Variants in LRFN5 observed in about 807,000 individuals in gnomAD.
LRFN5 encodes leucine-rich repeat and fibronectin type-III domain-containing protein 5.
Under a neutral mutation model 45.6 loss-of-function variants are expected in LRFN5, and 24 were observed. The observed-to-expected ratio is 0.53, with a 90% CI of 0.38 to 0.74. The LOEUF (loss-of-function observed/expected upper bound fraction) is 0.74. Among genes scored for constraint, LRFN5 ranks in the 30% least tolerant of loss-of-function variants. LRFN5 has a pLI of 0.00. For synonymous variants in LRFN5, 340 were observed against 313.8 expected (o/e 1.08, Z -0.88); for missense variants, 776 against 861.5 (o/e 0.90, Z 1.24).
At chr14:41,738,058 A>G (rs1884521285) in intron 1 of LRFN5, among the ~76,000 whole-genome samples, 1 of 152,206 alleles carries the variant, frequency 6.6e-6, no homozygotes, top group African/African-American at 2.4e-5. Context: ...AATAAAAAGA[A>G]CAAAGCTGGA....
intron 1 of LRFN5, among the ~76,000 whole-genome samples, chr14:41,745,336 A>C (rs1884877506): frequency 6.6e-6 from 1 of 152,100 alleles, no homozygotes; most frequent in Non-Finnish European, 1.5e-5. Context: ...GCAATGAATG[A>C]AAACAAAATC....
chr14:41,661,584 G>A (rs761840565), intron 1 of LRFN5, among the ~76,000 whole-genome samples: 16 of 152,072 alleles, frequency 1.1e-4, no homozygotes, highest in Non-Finnish European at 2.1e-4. Flanking sequence ...AGGCCCTAGG[G>A]CTAATACTCA....
chr14:41,681,050 G>A (rs1025948396), intron 1 of LRFN5, among the ~76,000 whole-genome samples: 4 of 151,834 alleles, frequency 2.6e-5, no homozygotes, highest in Non-Finnish European at 5.9e-5. Flanking sequence ...TTTGAATACA[G>A]GCTATTTGAA....
At chr14:41,677,903 T>C (rs1881708107) in intron 1 of LRFN5, among the ~76,000 whole-genome samples, 1 of 152,042 alleles carries the variant, frequency 6.6e-6, no homozygotes, top group Non-Finnish European at 1.5e-5. Flanking sequence ...ACCCTAAGTA[T>C]GATAAATTCA....
chr14:41,827,990 G>T (rs774085567), intron 2 of LRFN5, among the ~76,000 whole-genome samples: 1 of 151,974 alleles, frequency 6.6e-6, no homozygotes, highest in South Asian at 2.1e-4. Flanking sequence ...CTTCAAGGTT[G>T]TCCTTAATGT....
intron 1 of LRFN5, among the ~76,000 whole-genome samples, chr14:41,665,946 G>A (rs918115289): frequency 4.6e-5 from 7 of 151,842 alleles, no homozygotes; most frequent in Non-Finnish European, 8.8e-5. Context: ...TACTAACTTT[G>A]TTGTCAAGGA....
intron 1 of LRFN5, among the ~76,000 whole-genome samples, chr14:41,642,101 A>G (rs947770383): frequency 1.3e-5 from 2 of 152,130 alleles, no homozygotes; most frequent in Non-Finnish European, 2.9e-5. Flanking sequence ...TTGTCTTACT[A>G]TTTGAATTTG....
chr14:41,627,975 T>A (rs1888390057), intron 1 of LRFN5, among the ~76,000 whole-genome samples: 1 of 152,186 alleles, frequency 6.6e-6, no homozygotes, highest in Non-Finnish European at 1.5e-5. Context: ...TTATTGCAGC[T>A]AGGAAAATTA....
chr14:41,637,530 C>A (rs1474513075), intron 1 of LRFN5, among the ~76,000 whole-genome samples: 6 of 151,874 alleles, frequency 4.0e-5, no homozygotes, highest in Non-Finnish European at 7.4e-5. Context: ...CACACTTTAC[C>A]CTTATCCTGT....
chr14:41,855,028 G>A (rs929368956), intron 2 of LRFN5, among the ~76,000 whole-genome samples: 14 of 152,078 alleles, frequency 9.2e-5, no homozygotes, highest in African/African-American at 3.4e-4. Context: ...ACTTAAAAAC[G>A]TCTGCATTTA....
intron 5 of LRFN5, among the ~76,000 whole-genome samples, chr14:41,901,230 G>T (rs774891349): frequency 1.3e-5 from 2 of 152,028 alleles, no homozygotes; most frequent in Non-Finnish European, 2.9e-5. Context: ...ATAACTCTAC[G>T]TGGAAATTGA....
intron 1 of LRFN5, among the ~76,000 whole-genome samples, chr14:41,631,301 C>T (rs891991789): frequency 2.0e-5 from 3 of 152,096 alleles, no homozygotes; most frequent in African/African-American, 4.8e-5. Flanking sequence ...TCCTGGAACA[C>T]TTGTTCCTGT....
chr14:41,714,288 C>A (rs1285153661), intron 1 of LRFN5, among the ~76,000 whole-genome samples: 1 of 152,066 alleles, frequency 6.6e-6, no homozygotes, highest in Non-Finnish European at 1.5e-5. Flanking sequence ...TGGCTGCCCA[C>A]ATAAATTTGG....
At chr14:41,828,372 G>A (rs1888366992) in intron 2 of LRFN5, among the ~76,000 whole-genome samples, 1 of 151,882 alleles carries the variant, frequency 6.6e-6, no homozygotes, top group Non-Finnish European at 1.5e-5. Context: ...AGCTAGAGAG[G>A]GTAGTAGTGC....
intron 1 of LRFN5, among the ~76,000 whole-genome samples, chr14:41,691,851 T>C (rs10150151): frequency 0.27 from 41,793 of 152,058 alleles, 5,785 homozygotes; most frequent in South Asian, 0.38. Context: ...TTGAATTTCA[T>C]ATGAATAATC....
intron 1 of LRFN5, among the ~76,000 whole-genome samples, chr14:41,651,704 A>G (rs912522462): frequency 1.3e-5 from 2 of 152,234 alleles, no homozygotes; most frequent in Admixed American, 6.5e-5. Context: ...CACAAATTTT[A>G]CTAAGCAAAG....
At chr14:41,811,206 A>G (rs1887724332) in intron 2 of LRFN5, among the ~76,000 whole-genome samples, 1 of 152,164 alleles carries the variant, frequency 6.6e-6, no homozygotes, top group Non-Finnish European at 1.5e-5. Context: ...CATGCAGATT[A>G]TAACTACAAT....
chr14:41,900,685 G>A (rs1371738117), intron 5 of LRFN5, among the ~76,000 whole-genome samples: 1 of 151,962 alleles, frequency 6.6e-6, no homozygotes, highest in Non-Finnish European at 1.5e-5. Context: ...CCAGCTCCTT[G>A]CTACCTTTCT....
At chr14:41,681,440 T>G (rs1881876627) in intron 1 of LRFN5, among the ~76,000 whole-genome samples, 5 of 152,162 alleles carry the variant, frequency 3.3e-5, no homozygotes, top group Admixed American at 3.3e-4. Flanking sequence ...GTGGATACCT[T>G]ATAGGCCAGG....
Sources: allele counts gnomAD v4.1 joint callset (sites outside exome capture counted in the v4.1 genomes callset), GRCh38; gene constraint gnomAD v4.1.1; transcripts MANE v1.5; gene names NCBI Gene and HGNC (gene_info 2026-07-23, HGNC 2026-07-21).